ARSB: variants seen among roughly 807,000 people sequenced by gnomAD.
ARSB encodes the protein arylsulfatase B.
ARSB carries 41 observed loss-of-function variants against 50.9 expected under a neutral mutation model. The observed-to-expected ratio is 0.81, with a 90% confidence interval of 0.63 to 1.04. ARSB has a LOEUF of 1.04. Ranked by LOEUF, ARSB falls within the 50% of genes least tolerant of loss-of-function variation. The pLI is 0.00. For missense variants in ARSB, 672 were observed against 693.3 expected, an observed-to-expected ratio of 0.97 and a Z score of 0.35; for synonymous variants, 269 against 284.8, an observed-to-expected ratio of 0.94 and a Z score of 0.56.
At chr5:78,841,132 GTACTACTACTACTAC>G (rs71613989) in intron 5 of ARSB, among the ~76,000 whole-genome samples, 1 of 134,660 alleles carries the variant, frequency 7.4e-6, no homozygotes, top group Admixed American at 7.7e-5. Flanking sequence ...GACCTGGTCT[GTACTACTACTACTAC>G]TACTACTACT....
chr5:78,984,585 C>T (rs1253766713), intron 1 of ARSB, among the ~76,000 whole-genome samples: 1 of 152,244 alleles, frequency 6.6e-6, no homozygotes, highest in Non-Finnish European at 1.5e-5. Context: ...CCACGCCCTC[C>T]CCAGCCTCCC....
intron 4 of ARSB, among the ~76,000 whole-genome samples, chr5:78,914,053 C>CCTGGGCT (rs1749434895): frequency 6.6e-6 from 1 of 151,538 alleles, no homozygotes; most frequent in East Asian, 1.9e-4. Context: ...ACCTCAAACT[C>CCTGGGCT]CTGGGCTCAA....
intron 5 of ARSB, among the ~76,000 whole-genome samples, chr5:78,852,463 G>C (rs889602016): frequency 6.6e-6 from 1 of 152,144 alleles, no homozygotes. Flanking sequence ...TGGGTAACCC[G>C]ACCTTTCTCT....
At chr5:78,797,113 C>T (rs1445035224) in intron 6 of ARSB, among the ~76,000 whole-genome samples, 1 of 152,072 alleles carries the variant, frequency 6.6e-6, no homozygotes, top group Non-Finnish European at 1.5e-5. Context: ...CTCCTGACCT[C>T]GTGATCCGCC....
intron 1 of ARSB, among the ~76,000 whole-genome samples, chr5:78,983,346 C>T (rs1211384435): frequency 1.3e-5 from 2 of 152,172 alleles, no homozygotes; most frequent in African/African-American, 4.8e-5. Context: ...AGCCACCGTT[C>T]CCGGCCCAGG....
intron 1 of ARSB, 32 bp downstream of exon 1, chr5:78,984,905 G>A: frequency 7.7e-7 from 1 of 1,295,264 alleles, no homozygotes; most frequent in Non-Finnish European, 9.8e-7. Context: ...AGGCGGGGCG[G>A]GGGCGGCGCG....
intron 6 of ARSB, among the ~76,000 whole-genome samples, chr5:78,798,456 A>G (rs1036730358): frequency 1.5e-4 from 23 of 152,038 alleles, no homozygotes; most frequent in African/African-American, 5.5e-4. Context: ...GATGATGAGC[A>G]TGGCCCAGGC....
At chr5:78,841,569 C>T (rs1321424540) in intron 5 of ARSB, among the ~76,000 whole-genome samples, 2 of 151,982 alleles carry the variant, frequency 1.3e-5, no homozygotes, top group Non-Finnish European at 2.9e-5. Flanking sequence ...AATTTCAGGG[C>T]CAGTATATTA....
At chr5:78,929,379 G>A (rs548375147) in intron 4 of ARSB, among the ~76,000 whole-genome samples, 21 of 152,066 alleles carry the variant, frequency 1.4e-4, no homozygotes, top group Non-Finnish European at 2.9e-4. Flanking sequence ...CCTCAGACAC[G>A]GGAAAGGAAA....
At chr5:78,968,550 C>T (rs1423941992) in intron 2 of ARSB, among the ~76,000 whole-genome samples, 1 of 151,888 alleles carries the variant, frequency 6.6e-6, no homozygotes, top group Non-Finnish European at 1.5e-5. Context: ...AGAGTTTCAC[C>T]GTGTTAGTCA....
chr5:78,969,228 C>T, intron 1 of ARSB, 36 bp from the exon 2 acceptor site: 2 of 1,608,280 alleles, frequency 1.2e-6, no homozygotes, highest in Non-Finnish European at 1.7e-6. Flanking sequence ...AGATTAATGA[C>T]ATTGAAATAT....
At position 78,899,278 on chromosome 5, in the gene ARSB, A is replaced by G. The variant is rs144974061; in HGVS notation, c.899-13451T>C. ...TGACCTTTGAGAGTTTCATTTTTCT[A>G]TGCCTTGGAGTAGTCTTATTTGGGT... On this transcript the variant is annotated intron_variant, in intron 4 of 7. Coordinates refer to ENST00000264914, the MANE Select transcript of ARSB (RefSeq NM_000046.5). Among the ~76,000 whole-genome samples, 183 of 152,136 alleles carry G rather than the reference A, an allele frequency of 1.2e-3. 1 individual carries two copies. The highest frequency in any genetic ancestry group is 4.1e-3 in the African/African-American group (172 of 41,498).
At chr5:78,898,697 G>A (rs1173063945) in intron 4 of ARSB, among the ~76,000 whole-genome samples, 5 of 152,214 alleles carry the variant, frequency 3.3e-5, no homozygotes, top group African/African-American at 4.8e-5. Flanking sequence ...TCAAGGTGTT[G>A]AGAGGGCTGC....
At chr5:78,950,170 C>G (rs1279429433) in intron 4 of ARSB, among the ~76,000 whole-genome samples, 1 of 152,128 alleles carries the variant, frequency 6.6e-6, no homozygotes, top group Non-Finnish European at 1.5e-5. Context: ...TTCCTAACAG[C>G]CACTAGTGCT....
intron 4 of ARSB, among the ~76,000 whole-genome samples, chr5:78,924,352 T>C (rs143030201): frequency 6.2e-4 from 94 of 152,298 alleles, no homozygotes; most frequent in Non-Finnish European, 1.0e-3. Context: ...GTCTGTACAA[T>C]TACAGAGCCT....
At chr5:78,861,297 G>A (rs1187388947) in intron 5 of ARSB, among the ~76,000 whole-genome samples, 1 of 152,130 alleles carries the variant, frequency 6.6e-6, no homozygotes, top group Admixed American at 6.5e-5. Flanking sequence ...AAGCCTGGCA[G>A]AGACACAACA....
intron 1 of ARSB, among the ~76,000 whole-genome samples, chr5:78,982,853 T>G (rs183823257): frequency 2.0e-5 from 3 of 152,134 alleles, no homozygotes; most frequent in African/African-American, 7.2e-5. Context: ...AAAAAAAATG[T>G]TTGGGGAAGC....
chr5:78,969,153 G>T lies in ARSB; in HGVS notation c.352C>A (p.Gln118Lys). 1 of 1,614,200 alleles carries T rather than the reference G, an allele frequency of 6.2e-7. No individual in the cohort carries two copies. Residue 118 changes from glutamine (Q) to lysine (K), a missense_variant, in exon 2 of 8, where the codon CAG becomes AAG. Physicochemically the swap from Gln to Lys is moderately conservative, Grantham distance 53 (BLOSUM62 1). Coordinates refer to ENST00000264914, the MANE Select transcript of ARSB (RefSeq NM_000046.5). Reference protein sequence around the residue: ...GLQHQIIWPCQPSCVPLDEKL... With the variant: ...GLQHQIIWPCKPSCVPLDEKL... ...TCATCCAGAGGAACACAGCTGGGCT[G>T]ACAGGGCCAGATTATTTGGTGCTGT... is the stretch of plus-strand genomic sequence containing the variant.
At chr5:78,783,988 CCAT>C (rs759749929) in intron 6 of ARSB, among the ~76,000 whole-genome samples, 12 of 151,698 alleles carry the variant, frequency 7.9e-5, no homozygotes, top group Non-Finnish European at 1.3e-4. Flanking sequence ...TAACATTTTA[CCAT>C]GTTTGCCTTT....
Sources: gnomAD v4.1 joint callset for allele counts (sites outside exome capture counted in the v4.1 genomes callset) on GRCh38, gnomAD v4.1.1 for gene constraint, MANE v1.5 for transcripts, NCBI Gene and HGNC (gene_info 2026-07-23, HGNC 2026-07-21) for gene names.